AUTS2: variants seen among roughly 807,000 people sequenced by gnomAD.
AUTS2 encodes the protein autism susceptibility gene 2 protein.
In AUTS2, 17 loss-of-function variants were observed where a neutral mutation model predicts 112.4. The ratio of observed to expected loss-of-function variants is 0.15; its 90% CI spans 0.10 to 0.23. AUTS2 has a LOEUF of 0.23. Ranked by LOEUF, AUTS2 falls within the 10% of genes least tolerant of loss-of-function variation. The pLI is 1.00. For missense variants in AUTS2, 1,510 were observed against 1,701.6 expected, an observed-to-expected ratio of 0.89 and a Z score of 1.98; for synonymous variants, 751 against 702.7, an observed-to-expected ratio of 1.07 and a Z score of -1.09.
intron 1 of AUTS2, among the ~76,000 whole-genome samples, chr7:69,824,862 C>G (rs770634627): frequency 2.0e-5 from 3 of 152,164 alleles, no homozygotes; most frequent in African/African-American, 7.2e-5. Context: ...GGCTGGCAAT[C>G]AAAAGCTGTA....
intron 4 of AUTS2, among the ~76,000 whole-genome samples, chr7:70,174,393 A>G (rs943301744): frequency 1.3e-5 from 2 of 152,246 alleles, no homozygotes; most frequent in Non-Finnish European, 2.9e-5. Context: ...AGAAAACTGC[A>G]GGGTGAAACA....
At chr7:70,724,704 C>T (rs955285728) in intron 6 of AUTS2, among the ~76,000 whole-genome samples, 3 of 152,142 alleles carry the variant, frequency 2.0e-5, no homozygotes, top group African/African-American at 7.2e-5. Flanking sequence ...CTCGGCCTCC[C>T]AAAGTGCTGG....
intron 1 of AUTS2, among the ~76,000 whole-genome samples, chr7:69,654,872 A>C (rs1324530955): frequency 1.3e-5 from 2 of 152,334 alleles, no homozygotes; most frequent in East Asian, 3.9e-4. Context: ...CTTTAGCTGT[A>C]GTCCCTCTTG....
chr7:69,769,959 T>A (rs975176900), intron 1 of AUTS2, among the ~76,000 whole-genome samples: 1 of 152,214 alleles, frequency 6.6e-6, no homozygotes, highest in Non-Finnish European at 1.5e-5. Flanking sequence ...TTCATTGTTA[T>A]AAGAAAACTA....
intron 1 of AUTS2, among the ~76,000 whole-genome samples, chr7:69,685,266 A>G (rs1797010625): frequency 6.6e-6 from 1 of 152,102 alleles, no homozygotes; most frequent in Non-Finnish European, 1.5e-5. Flanking sequence ...GCATGAAATG[A>G]TCTTGTCTTT....
intron 1 of AUTS2, among the ~76,000 whole-genome samples, chr7:69,889,757 G>A (rs1485180025): frequency 1.3e-5 from 2 of 152,154 alleles, no homozygotes; most frequent in African/African-American, 4.8e-5. Context: ...AGATTTAAGT[G>A]GGAGAAAAAG....
chr7:70,023,812 A>G (rs1235171856), intron 2 of AUTS2, among the ~76,000 whole-genome samples: 2 of 152,216 alleles, frequency 1.3e-5, no homozygotes, highest in Non-Finnish European at 2.9e-5. Flanking sequence ...CCAAGCAAAT[A>G]CAGTTTCTGT....
intron 5 of AUTS2, among the ~76,000 whole-genome samples, chr7:70,656,428 T>C (rs1806774924): frequency 6.6e-6 from 1 of 151,768 alleles, no homozygotes; most frequent in African/African-American, 2.4e-5. Flanking sequence ...TAATATTATG[T>C]ATATAAAATT....
At chr7:70,106,780 T>G (rs1345391524) in intron 2 of AUTS2, among the ~76,000 whole-genome samples, 6 of 152,198 alleles carry the variant, frequency 3.9e-5, no homozygotes, top group Non-Finnish European at 7.4e-5. Flanking sequence ...TTATAAAGGT[T>G]GTTGTTGTTA....
At chr7:70,170,715 C>T (rs1269999355) in intron 4 of AUTS2, among the ~76,000 whole-genome samples, 2 of 150,916 alleles carry the variant, frequency 1.3e-5, no homozygotes, top group African/African-American at 4.9e-5. Flanking sequence ...TCAAGCGATT[C>T]TCCTACCTCA....
chr7:69,767,184 CTTT>C (rs1248627158), intron 1 of AUTS2, among the ~76,000 whole-genome samples: 2 of 144,868 alleles, frequency 1.4e-5, no homozygotes, highest in African/African-American at 2.5e-5. Context: ...TTGTCATCGT[CTTT>C]TTTTTTTTTT....
intron 4 of AUTS2, among the ~76,000 whole-genome samples, chr7:70,225,261 T>A (rs1211325393): frequency 6.6e-6 from 1 of 152,236 alleles, no homozygotes; most frequent in Non-Finnish European, 1.5e-5. Flanking sequence ...GATTTTTCTG[T>A]ATCTTGTCTC....
chr7:70,402,160 C>T (rs1325261151), intron 4 of AUTS2, among the ~76,000 whole-genome samples: 1 of 152,218 alleles, frequency 6.6e-6, no homozygotes, highest in African/African-American at 2.4e-5. Context: ...CCAGGGTGCC[C>T]AGCAATTGGC....
chr7:69,803,861 C>T (rs1790188374), intron 1 of AUTS2, among the ~76,000 whole-genome samples: 1 of 152,170 alleles, frequency 6.6e-6, no homozygotes, highest in Non-Finnish European at 1.5e-5. Context: ...AAGACACTGT[C>T]TCTACAAAAT....
At chr7:70,305,308 T>C (rs900739595) in intron 4 of AUTS2, among the ~76,000 whole-genome samples, 1 of 152,298 alleles carries the variant, frequency 6.6e-6, no homozygotes, top group African/African-American at 2.4e-5. Context: ...CTAGTGTTTG[T>C]TGCCACCAGT....
At chr7:70,553,538 G>A (rs967705200) in intron 5 of AUTS2, among the ~76,000 whole-genome samples, 2 of 152,152 alleles carry the variant, frequency 1.3e-5, no homozygotes, top group Non-Finnish European at 2.9e-5. Flanking sequence ...AGGCAGCCAA[G>A]TGTTGACTCT....
At position 70,787,311 on chromosome 7, in the gene AUTS2, C is replaced by G; in HGVS notation, c.2411C>G (p.Pro804Arg). ...CTGCACCGAACGCCTCCGTCGTTCC[C>G]GACCCCTCCGCCCTGGCTGAAGCCA... is the stretch of plus-strand genomic sequence containing the variant. ...NRLHRTPPSF[P>R]TPPPWLKPGE... The change falls in exon 18 of 19, where the codon CCG (proline) becomes CGG (arginine). Residue 804 changes from proline to arginine, a missense_variant. This residue lies in a region of AUTS2 where 788 missense variants were observed against 797.6 expected (regional missense o/e 0.99). Coordinates refer to ENST00000342771, the MANE Select transcript of AUTS2 (RefSeq NM_015570.4). The G allele has an allele frequency of 6.2e-7, 1 of 1,614,198 alleles. No homozygotes were observed. The highest frequency in any genetic ancestry group is 8.5e-7 in the Non-Finnish European group (1 of 1,180,014).
chr7:69,818,727 A>G lies in AUTS2; in HGVS notation c.310-80559A>G, dbSNP rs118188476. 6.5e-3 allele frequency among the ~76,000 whole-genome samples: 993 copies of G among 152,300 alleles called. 4 individuals are homozygous for G. Among genetic ancestry groups the G allele is most frequent in the Middle Eastern group, 0.017 (5 of 294 alleles). ...AGTCCTCTTTGCTTTGTGTTTTCCA[A>G]AAATAATTGGAGAATAATAATAATG... On this transcript the variant is annotated intron_variant, in intron 1 of 18. Coordinates refer to ENST00000342771, the MANE Select transcript of AUTS2 (RefSeq NM_015570.4).
chr7:70,272,763 T>C (rs1480677704), intron 4 of AUTS2, among the ~76,000 whole-genome samples: 1 of 152,092 alleles, frequency 6.6e-6, no homozygotes, highest in Admixed American at 6.6e-5. Context: ...GTTTTAATTC[T>C]TAGGGAGGAC....
Sources: gnomAD v4.1 joint callset for allele counts (sites outside exome capture counted in the v4.1 genomes callset) on GRCh38, gnomAD v4.1.1 for gene constraint, gnomAD v4.1.1 regional missense constraint, MANE v1.5 for transcripts, NCBI Gene and HGNC (gene_info 2026-07-23, HGNC 2026-07-21) for gene names.